ABLIM3: variants seen among roughly 807,000 people sequenced by gnomAD.
The protein encoded by ABLIM3 is actin-binding LIM protein 3.
In ABLIM3, 61 loss-of-function variants were observed where a neutral mutation model predicts 109.5. The observed-to-expected ratio is 0.56, with a 90% CI of 0.45 to 0.69. The LOEUF is 0.69. Among genes scored for constraint, ABLIM3 ranks in the 30% least tolerant of loss-of-function variants. The pLI is 0.00. For missense variants in ABLIM3, 796 were observed against 889.5 expected, an observed-to-expected ratio of 0.89 and a Z score of 1.34; for synonymous variants, 300 against 324.8, an observed-to-expected ratio of 0.92 and a Z score of 0.82.
intron 3 of ABLIM3, among the ~76,000 whole-genome samples, chr5:149,190,064 A>G (rs551962045): frequency 1.7e-4 from 26 of 152,374 alleles, no homozygotes; most frequent in African/African-American, 6.0e-4. Flanking sequence ...AAATGCTCCA[A>G]TGGGAATAAA....
chr5:149,185,033 G>C (rs146842238), intron 3 of ABLIM3, among the ~76,000 whole-genome samples: 1 of 152,068 alleles, frequency 6.6e-6, no homozygotes, highest in African/African-American at 2.4e-5. Context: ...AAATTGAGGC[G>C]GGACGAAGGG....
intron 3 of ABLIM3, among the ~76,000 whole-genome samples, chr5:149,190,595 A>G (rs936702670): frequency 2.9e-4 from 44 of 152,120 alleles, no homozygotes; most frequent in African/African-American, 9.9e-4. Context: ...TGAGAGGATC[A>G]TTTGAGCCCA....
intron 8 of ABLIM3, among the ~76,000 whole-genome samples, chr5:149,230,261 G>A (rs1012110044): frequency 7.2e-5 from 11 of 152,104 alleles, no homozygotes; most frequent in Admixed American, 1.3e-4. Context: ...CTCAGCTCCC[G>A]CCCAGAAGAA....
chr5:149,237,622 C>A lies in ABLIM3; in HGVS notation c.1044+19C>A. The A allele has an allele frequency of 6.2e-7, 1 of 1,613,370 alleles. No homozygotes were observed. Among genetic ancestry groups the A allele is most frequent in the Non-Finnish European group, 8.5e-7 (1 of 1,179,806 alleles). On this transcript the variant is annotated intron_variant, in intron 11 of 23. Coordinates refer to ENST00000309868, the MANE Select transcript of ABLIM3 (RefSeq NM_014945.5). ...TGGAGAGGTATCGCATCTTGCCCTT[C>A]TCTCTGGGGCTATTGTAGGAAAGGA...
chr5:149,158,045 A>G (rs1561538160), intron 2 of ABLIM3, among the ~76,000 whole-genome samples: 1 of 152,126 alleles, frequency 6.6e-6, no homozygotes, highest in Non-Finnish European at 1.5e-5. Flanking sequence ...CCACCCTGCT[A>G]CCTCTCATTC....
chr5:149,213,566 T>C (rs1759770388), intron 7 of ABLIM3, among the ~76,000 whole-genome samples: 1 of 152,070 alleles, frequency 6.6e-6, no homozygotes, highest in South Asian at 2.1e-4. Flanking sequence ...GTCAATGCGG[T>C]GGGAGATATT....
In ABLIM3 at chr5:149,184,418, A is replaced by C. The variant is rs562714859; in HGVS notation, c.151+829A>C. On this transcript the variant is annotated intron_variant, in intron 3 of 23. Coordinates refer to ENST00000309868, the MANE Select transcript of ABLIM3 (RefSeq NM_014945.5). ...ATATTTGTCCTCATAAAGTCTGAGG[A>C]ATACTTTGTATTCGCTTTTCCCTTT... is the stretch of plus-strand genomic sequence containing the variant. Among the ~76,000 whole-genome samples the C allele has an allele frequency of 3.2e-4, 49 of 152,334 alleles. 1 individual carries two copies. The South Asian group carries it at 9.9e-3, about 31-fold the overall frequency.
chr5:149,203,145 C>T (rs1470934838), intron 5 of ABLIM3, among the ~76,000 whole-genome samples: 1 of 151,960 alleles, frequency 6.6e-6, no homozygotes, highest in African/African-American at 2.4e-5. Flanking sequence ...CCAACATTAT[C>T]ATTATCATCA....
At chr5:149,196,209 C>T (rs904062279) in intron 3 of ABLIM3, among the ~76,000 whole-genome samples, 10 of 152,214 alleles carry the variant, frequency 6.6e-5, no homozygotes, top group Non-Finnish European at 1.5e-4. Context: ...ACCCCTTAAG[C>T]CTCCAGTCCC....
Position 149,239,849 on chromosome 5 carries a change from C to G in ABLIM3, c.1165C>G (p.Pro389Ala). Residue 389 changes from proline (P) to alanine (A), a missense_variant, in exon 13 of 24, where the codon CCC becomes GCC. By Grantham distance (27) the Pro-to-Ala change is conservative. Coordinates refer to ENST00000309868, the MANE Select transcript of ABLIM3 (RefSeq NM_014945.5). ...CACCTACAGCCGGCAGGGCATGTCC[C>G]CCACCTTCTCCCGCTCACCTCACCA... Reference protein sequence around the residue: ...SPTYSRQGMSPTFSRSPHHYY... With the variant: ...SPTYSRQGMSATFSRSPHHYY... 1 of 1,610,580 alleles carries G rather than the reference C, an allele frequency of 6.2e-7. No homozygotes were observed. Among genetic ancestry groups the G allele is most frequent in the African/African-American group, 1.3e-5 (1 of 74,878 alleles).
At chr5:149,257,930 C>G (rs188699590) in intron 23 of ABLIM3, among the ~76,000 whole-genome samples, 1 of 152,220 alleles carries the variant, frequency 6.6e-6, no homozygotes, top group East Asian at 1.9e-4. Flanking sequence ...AGTGGGATAA[C>G]ATGAATCCAC....
In ABLIM3 at chr5:149,258,592, G is replaced by A; in HGVS notation, c.*188G>A. ...GCTCCTTACTTTCTCTTTTCTAAGT[G>A]CTGTGGGATCTGGGAAGGGATTTGA... On this transcript the variant is annotated 3_prime_UTR_variant, in exon 24 of 24. Coordinates refer to ENST00000309868, the MANE Select transcript of ABLIM3 (RefSeq NM_014945.5). 6 of 1,353,118 alleles carry A rather than the reference G, an allele frequency of 4.4e-6. No homozygotes were observed. The South Asian group carries it at 1.1e-4, about 25-fold the overall frequency. The allele number at this position is 1,353,118 out of a possible 1,614,324, so 83.8% of individuals were successfully genotyped here. A position where few individuals can be genotyped will look rare whatever the true frequency, so the allele number is the denominator to read the frequency against.
At chr5:149,241,928 G>A (rs1337341009) in intron 14 of ABLIM3, among the ~76,000 whole-genome samples, 2 of 152,182 alleles carry the variant, frequency 1.3e-5, no homozygotes, top group South Asian at 2.1e-4. Flanking sequence ...CTCCCTCTGA[G>A]TCACAGCAGA....
At chr5:149,161,205 A>G (rs1462817524) in intron 2 of ABLIM3, among the ~76,000 whole-genome samples, 1 of 152,194 alleles carries the variant, frequency 6.6e-6, no homozygotes, top group African/African-American at 2.4e-5. Context: ...TTACAGTGGA[A>G]AGTGTTTGCT....
chr5:149,161,819 A>G (rs1754396883), intron 2 of ABLIM3, among the ~76,000 whole-genome samples: 1 of 152,160 alleles, frequency 6.6e-6, no homozygotes, highest in African/African-American at 2.4e-5. Flanking sequence ...GTACCAAGGA[A>G]AAAAGCCAAT....
chr5:149,147,356 C>T (rs147575516), intron 2 of ABLIM3, among the ~76,000 whole-genome samples: 8 of 151,998 alleles, frequency 5.3e-5, no homozygotes, highest in South Asian at 4.2e-4. Flanking sequence ...GTTTATGTGG[C>T]GAATCAATTT....
intron 3 of ABLIM3, among the ~76,000 whole-genome samples, chr5:149,191,130 G>C (rs1238931256): frequency 6.6e-6 from 1 of 152,046 alleles, no homozygotes; most frequent in Non-Finnish European, 1.5e-5. Context: ...ACAGTGGACA[G>C]GATTAGCAAA....
chr5:149,142,013 T>A lies in ABLIM3; in HGVS notation c.-83T>A. ...GACTGCCTTTTCACCCCCCAGGTGA[T>A]GAGTGAGGTTCGAAGAACGGAAGAT... is the stretch of plus-strand genomic sequence containing the variant. On this transcript the variant is annotated 5_prime_UTR_variant, in exon 2 of 24. It removes an upstream start codon present in the reference 5' UTR. Transcript: ENST00000309868. The A allele has an allele frequency of 6.2e-7, 1 of 1,602,598 alleles. No individual in the cohort carries two copies. Among genetic ancestry groups the A allele is most frequent in the East Asian group, 2.2e-5 (1 of 44,790 alleles).
At chr5:149,162,523 G>A (rs1754464059) in intron 2 of ABLIM3, among the ~76,000 whole-genome samples, 1 of 152,134 alleles carries the variant, frequency 6.6e-6, no homozygotes, top group Non-Finnish European at 1.5e-5. Context: ...TCTTCTCTTT[G>A]TGTCTGGAAG....
Sources: allele counts gnomAD v4.1 joint callset (sites outside exome capture counted in the v4.1 genomes callset), GRCh38; gene constraint gnomAD v4.1.1; transcripts MANE v1.5; gene names NCBI Gene and HGNC (gene_info 2026-07-23, HGNC 2026-07-21).